Variants in SWT1 observed in about 807,000 individuals in gnomAD.
SWT1 encodes the protein transcriptional protein SWT1.
Under a neutral mutation model 107.3 loss-of-function variants are expected in SWT1, and 33 were observed. The ratio of observed to expected loss-of-function variants is 0.31; its 90% CI spans 0.23 to 0.41. The LOEUF (loss-of-function observed/expected upper bound fraction) is 0.41, where lower values mean the gene tolerates loss of function less well. SWT1 is among the 10% of genes least tolerant of loss of function. The pLI is 1.00. For synonymous variants in SWT1, 345 were observed against 348.3 expected (o/e 0.99, Z 0.11); for missense variants, 898 against 1,028.9 (o/e 0.87, Z 1.74).
intron 1 of SWT1, among the ~76,000 whole-genome samples, chr1:185,158,474 A>G (rs988926250): frequency 2.0e-5 from 3 of 151,146 alleles, no homozygotes; most frequent in Non-Finnish European, 4.4e-5. Flanking sequence ...TGCTAACTAT[A>G]TCTGTGCATC....
intron 16 of SWT1, among the ~76,000 whole-genome samples, chr1:185,260,999 A>C (rs1185266904): frequency 6.6e-6 from 1 of 152,140 alleles, no homozygotes; most frequent in East Asian, 1.9e-4. Flanking sequence ...AATATTTAAA[A>C]TTTTTAATTG....
At chr1:185,212,050 C>A (rs1443223524) in intron 13 of SWT1, among the ~76,000 whole-genome samples, 4 of 148,946 alleles carry the variant, frequency 2.7e-5, no homozygotes, top group Non-Finnish European at 4.5e-5. Context: ...ACTCCAGGGA[C>A]TGTTGTGGGG....
In SWT1 at chr1:185,289,329, G is replaced by A. The variant is rs567042544; in HGVS notation, c.2574-1345G>A. ...GAATTCTGGAATTAGGGCTTCTTCC[G>A]TGGTGGACCTGCCACCAACAGGCAA... On this transcript the variant is annotated intron_variant, in intron 18 of 18. Transcript: ENST00000367500. Among the ~76,000 whole-genome samples, 295 of 152,254 alleles carry A rather than the reference G, an allele frequency of 1.9e-3. 1 individual carries two copies. Among genetic ancestry groups the A allele is most frequent in the African/African-American group, 6.9e-3 (286 of 41,548 alleles).
At chr1:185,221,441 G>A (rs1473349216) in intron 14 of SWT1, among the ~76,000 whole-genome samples, 1 of 151,598 alleles carries the variant, frequency 6.6e-6, no homozygotes, top group African/African-American at 2.4e-5. Flanking sequence ...ATTATATCTT[G>A]ATTTTTTTTT....
At chr1:185,205,051 T>C (rs1452602261) in intron 12 of SWT1, among the ~76,000 whole-genome samples, 188 bp downstream of exon 12, 1 of 152,182 alleles carries the variant, frequency 6.6e-6, no homozygotes, top group African/African-American at 2.4e-5. Context: ...TGGTTAGGAA[T>C]ATATGTTATT....
chr1:185,180,332 T>G (rs1412055911), intron 5 of SWT1, 59 bp from the exon 6 acceptor site: 3 of 1,403,414 alleles, frequency 2.1e-6, no homozygotes, highest in Non-Finnish European at 3.0e-6. Context: ...GTGACAAGGT[T>G]GAAAAACCCT....
chr1:185,229,692 C>T (rs1196018152), intron 15 of SWT1, among the ~76,000 whole-genome samples: 1 of 151,784 alleles, frequency 6.6e-6, no homozygotes, highest in South Asian at 2.1e-4. Flanking sequence ...GAAGAAAGAA[C>T]CAGGTATGTT....
intron 10 of SWT1, among the ~76,000 whole-genome samples, chr1:185,193,743 G>A (rs1657155054): frequency 6.6e-6 from 1 of 152,182 alleles, no homozygotes; most frequent in Non-Finnish European, 1.5e-5. Flanking sequence ...GGGATTACAG[G>A]CATGAGCCAC....
chr1:185,206,776 T>C lies in SWT1; in HGVS notation c.1972+13T>C. ...AATCTCCGTAAAGGTATGAATCTTT[T>C]ATTTTTCTCTTTAGCAGTGTTGTAT... On this transcript the variant is annotated intron_variant, in intron 13 of 18. Transcript: ENST00000367500. 6.4e-7 allele frequency: 1 copy of C among 1,566,734 alleles called. No homozygotes were observed. Among genetic ancestry groups the C allele is most frequent in the African/African-American group, 1.4e-5 (1 of 72,940 alleles).
intron 13 of SWT1, among the ~76,000 whole-genome samples, chr1:185,210,934 T>G (rs1214916113): frequency 1.7e-4 from 26 of 152,142 alleles, no homozygotes; most frequent in Admixed American, 1.7e-3. Flanking sequence ...ATGCGTGAAC[T>G]GCCATTCACA....
At position 185,174,619 on chromosome 1, in the gene SWT1, A is replaced by C; in HGVS notation, c.472A>C (p.Ser158Arg). 6.2e-7 allele frequency: 1 copy of C among 1,611,868 alleles called. No homozygotes were observed. Residue 158 changes from serine (S) to arginine (R), a missense_variant, in exon 5 of 19, where the codon AGT becomes CGT. By Grantham distance (110) the Ser-to-Arg change is moderately radical (BLOSUM62 -1). Transcript: ENST00000367500. ...IKSLSSPKIA[S>R]DVKPKAEGQA... ...AAGCCTTAGTAGTCCTAAGATTGCC[A>C]GTGATGTGAAACCTAAAGCCGAAGG...
intron 14 of SWT1, among the ~76,000 whole-genome samples, chr1:185,215,604 T>A (rs180951894): frequency 4.9e-4 from 75 of 152,262 alleles, no homozygotes; most frequent in South Asian, 1.4e-3. Flanking sequence ...CCTGGCACGA[T>A]CAGGGCTCAC....
chr1:185,237,325 G>T (rs949786952), intron 16 of SWT1, among the ~76,000 whole-genome samples: 1 of 152,158 alleles, frequency 6.6e-6, no homozygotes, highest in East Asian at 1.9e-4. Context: ...TGATAGACTG[G>T]ATAAAGAAAG....
intron 10 of SWT1, 152 bp downstream of exon 10, chr1:185,190,794 T>C (rs1467697881): frequency 3.2e-5 from 17 of 525,444 alleles, no homozygotes; most frequent in Non-Finnish European, 4.8e-5. Flanking sequence ...GACAGTCTTA[T>C]AATGTGTGAG....
chr1:185,262,925 A>G (rs1045243222), intron 16 of SWT1, among the ~76,000 whole-genome samples: 9 of 151,806 alleles, frequency 5.9e-5, no homozygotes, highest in African/African-American at 2.2e-4. Flanking sequence ...GTAGCTGGGA[A>G]TACAGGCGTG....
Position 185,168,320 on chromosome 1 carries a change from C to A in SWT1, c.166-20C>A. On this transcript the variant is annotated intron_variant, in intron 3 of 18. Transcript: ENST00000367500. Reference sequence around the variant, plus strand: ...ATGTACCAGTGCACAATTTATGTGTCCTTTTTTTATTTATTTCAGAAATCA... The same window carrying A: ...ATGTACCAGTGCACAATTTATGTGTACTTTTTTTATTTATTTCAGAAATCA... The A allele has an allele frequency of 2.4e-6, 3 of 1,227,396 alleles. No individual in the cohort carries two copies. The South Asian group carries it at 4.7e-5, about 19-fold the overall frequency. 76.0% of individuals were successfully genotyped at this position (1,227,396 alleles called of 1,614,324 possible). A position where few individuals can be genotyped will look rare whatever the true frequency, so the allele number is the denominator to read the frequency against.
At chr1:185,218,687 C>G (rs1243145903) in intron 14 of SWT1, among the ~76,000 whole-genome samples, 1 of 151,978 alleles carries the variant, frequency 6.6e-6, no homozygotes, top group Admixed American at 6.6e-5. Flanking sequence ...CTTCTAACCA[C>G]TAAAAAAAAT....
At chr1:185,199,889 T>C (rs191953562) in intron 10 of SWT1, among the ~76,000 whole-genome samples, 7 of 152,306 alleles carry the variant, frequency 4.6e-5, no homozygotes, top group Non-Finnish European at 1.0e-4. Flanking sequence ...ACCAATCAAA[T>C]GTAGGTTTGG....
At chr1:185,196,931 G>T (rs1230220204) in intron 10 of SWT1, among the ~76,000 whole-genome samples, 2 of 152,084 alleles carry the variant, frequency 1.3e-5, no homozygotes, top group Non-Finnish European at 2.9e-5. Context: ...CTTCGTATTT[G>T]AGTACCCTTT....
Sources: gnomAD v4.1 joint callset for allele counts (sites outside exome capture counted in the v4.1 genomes callset) on GRCh38, gnomAD v4.1.1 for gene constraint, MANE v1.5 for transcripts, NCBI Gene and HGNC (gene_info 2026-07-23, HGNC 2026-07-21) for gene names.